TRPC4AP: variants seen among roughly 807,000 people sequenced by gnomAD.
TRPC4AP encodes short transient receptor potential channel 4-associated protein.
TRPC4AP carries 45 observed loss-of-function variants against 99.0 expected under a neutral mutation model. The observed-to-expected ratio is 0.45, with a 90% CI of 0.36 to 0.58. The LOEUF (loss-of-function observed/expected upper bound fraction) is 0.58. TRPC4AP is among the 20% of genes least tolerant of loss of function. TRPC4AP has a pLI of 0.00. For synonymous variants in TRPC4AP, 408 were observed against 385.8 expected, an observed-to-expected ratio of 1.06 and a Z score of -0.67; for missense variants, 879 against 985.3, an observed-to-expected ratio of 0.89 and a Z score of 1.44.
intron 17 of TRPC4AP, among the ~76,000 whole-genome samples, chr20:35,003,879 T>C (rs944845608): frequency 1.3e-5 from 2 of 152,098 alleles, no homozygotes; most frequent in African/African-American, 4.8e-5. Context: ...AGACCTGGGC[T>C]CAAGCATCAC....
chr20:35,092,552 C>CG, intron 1 of TRPC4AP, 62 bp downstream of exon 1: 1 of 1,412,172 alleles, frequency 7.1e-7, no homozygotes, highest in Non-Finnish European at 9.2e-7. Context: ...GCCTCTTCCC[C>CG]GGCCCCCCGC....
chr20:35,081,019 T>C (rs1271498182), intron 1 of TRPC4AP, among the ~76,000 whole-genome samples: 5 of 152,166 alleles, frequency 3.3e-5, no homozygotes, highest in African/African-American at 1.2e-4. Context: ...ATCACTGAAC[T>C]GTACACTTAC....
chr20:35,024,844 A>T (rs564783003), intron 8 of TRPC4AP, among the ~76,000 whole-genome samples: 1 of 124,828 alleles, frequency 8.0e-6, no homozygotes, highest in Non-Finnish European at 1.7e-5. Context: ...AAAAAAAAAA[A>T]AAAAAAAAAA....
intron 4 of TRPC4AP, 42 bp downstream of exon 4, chr20:35,057,472 C>T (rs995689785): frequency 1.3e-6 from 2 of 1,544,032 alleles, no homozygotes; most frequent in African/African-American, 2.7e-5. Flanking sequence ...ACCGTATCGG[C>T]AGGTTGGAAA....
chr20:35,004,742 T>C (rs1004887233), intron 16 of TRPC4AP, among the ~76,000 whole-genome samples, 172 bp from the exon 17 acceptor site: 1 of 152,182 alleles, frequency 6.6e-6, no homozygotes. Context: ...GCTGTCCTGC[T>C]ACCAGGCAAA....
chr20:35,043,501 C>G (rs1187679752), intron 7 of TRPC4AP, among the ~76,000 whole-genome samples: 1 of 152,148 alleles, frequency 6.6e-6, no homozygotes, highest in Non-Finnish European at 1.5e-5. Context: ...CCTGCCTCGG[C>G]CTCCCAAAGT....
rs534028259 is a variant in TRPC4AP at position 35,070,808 on chromosome 20, T to C, written c.298-1396A>G. 1.6e-3 allele frequency among the ~76,000 whole-genome samples: 247 copies of C among 152,104 alleles called. 1 individual carries two copies. Among genetic ancestry groups the C allele is most frequent in the Non-Finnish European group, 2.8e-3 (191 of 68,012 alleles). ...GACAGAGTATTTGATACAGCACACA[T>C]AGGGTAGTAGTTCTCAAACTGACGG... On this transcript the variant is annotated intron_variant, in intron 2 of 18. Transcript: ENST00000252015.
chr20:35,021,115 T>C, intron 9 of TRPC4AP, 75 bp downstream of exon 9: 2 of 1,521,910 alleles, frequency 1.3e-6, no homozygotes, highest in Non-Finnish European at 8.9e-7. Context: ...GAAGGCCCAG[T>C]GGAGCACCTG....
At chr20:35,073,610 C>G (rs1384017401) in intron 2 of TRPC4AP, among the ~76,000 whole-genome samples, 1 of 152,088 alleles carries the variant, frequency 6.6e-6, no homozygotes, top group Non-Finnish European at 1.5e-5. Flanking sequence ...CCTTGTATCC[C>G]AGGGATGAAG....
intron 15 of TRPC4AP, 94 bp downstream of exon 15, chr20:35,006,341 A>T: frequency 6.8e-7 from 1 of 1,471,850 alleles, no homozygotes; most frequent in Middle Eastern, 1.8e-4. Flanking sequence ...GTCGTCTCTA[A>T]CGTAAAACCT....
intron 8 of TRPC4AP, among the ~76,000 whole-genome samples, chr20:35,029,706 G>C (rs2147320624): frequency 7.5e-6 from 1 of 132,970 alleles, no homozygotes; most frequent in South Asian, 2.3e-4. Context: ...CGCGATCTCG[G>C]TTCACTGCAA....
intron 2 of TRPC4AP, among the ~76,000 whole-genome samples, chr20:35,071,139 G>C (rs1299398562): frequency 6.6e-6 from 1 of 152,074 alleles, no homozygotes; most frequent in Non-Finnish European, 1.5e-5. Flanking sequence ...TAAACGTAAA[G>C]ACTAAGTTTA....
intron 1 of TRPC4AP, among the ~76,000 whole-genome samples, chr20:35,081,975 ACT>A (rs761778429): frequency 1.4e-4 from 22 of 152,082 alleles, no homozygotes; most frequent in Admixed American, 5.2e-4. Flanking sequence ...ACAGAGTGAG[ACT>A]CTGTCTCAAA....
intron 3 of TRPC4AP, among the ~76,000 whole-genome samples, chr20:35,060,761 G>A (rs576362784): frequency 6.6e-6 from 1 of 151,968 alleles, no homozygotes; most frequent in South Asian, 2.1e-4. Context: ...CTCAACAGAT[G>A]CAGAAAAAGC....
Position 35,010,209 on chromosome 20 carries a change from C to G in TRPC4AP, c.1489G>C (p.Glu497Gln). The G allele has an allele frequency of 6.2e-7, 1 of 1,614,166 alleles. No homozygotes were observed. The highest frequency in any genetic ancestry group is 8.5e-7 in the Non-Finnish European group (1 of 1,180,032). The change falls in exon 12 of 19, where the codon GAA becomes CAA. Residue 497 changes from glutamate (E) to glutamine (Q), a missense_variant. Glu to Gln is a conservative substitution (Grantham distance 29, BLOSUM62 2). Transcript: ENST00000252015. ...ISLKANIPEV[E>Q]AVLNTDRSLV... ...CACCTGTCGGTGTTGAGGACAGCTT[C>G]CACCTCAGGGATGTTGGCCTTGAGA...
intron 11 of TRPC4AP, among the ~76,000 whole-genome samples, chr20:35,011,170 T>C (rs1052140258): frequency 3.9e-5 from 6 of 152,096 alleles, no homozygotes; most frequent in African/African-American, 1.2e-4. Context: ...TGAGGTAGAA[T>C]TGCTTGAACC....
intron 17 of TRPC4AP, 82 bp downstream of exon 17, chr20:35,004,376 G>A (rs2082471490): frequency 2.4e-6 from 3 of 1,241,078 alleles, no homozygotes; most frequent in Non-Finnish European, 3.5e-6. Context: ...TGGAGTGGGG[G>A]ACAGAAACCT....
intron 5 of TRPC4AP, among the ~76,000 whole-genome samples, chr20:35,051,601 T>C (rs1371581519): frequency 2.7e-5 from 4 of 146,954 alleles, no homozygotes; most frequent in African/African-American, 1.0e-4. Context: ...TCTTCAGTCG[T>C]AGCACTGACA....
intron 1 of TRPC4AP, among the ~76,000 whole-genome samples, chr20:35,084,727 T>G (rs1194107386): frequency 8.7e-6 from 1 of 114,668 alleles, no homozygotes; most frequent in Non-Finnish European, 1.9e-5. Context: ...TATGCATATA[T>G]GTGTATATGT....
Sources: gnomAD v4.1 joint callset for allele counts (sites outside exome capture counted in the v4.1 genomes callset) on GRCh38, gnomAD v4.1.1 for gene constraint, MANE v1.5 for transcripts, NCBI Gene and HGNC (gene_info 2026-07-23, HGNC 2026-07-21) for gene names.